Variants in EDIL3 observed in about 807,000 individuals in gnomAD.
EDIL3 encodes the protein EGF-like repeat and discoidin I-like domain-containing protein 3.
In EDIL3, 37 loss-of-function variants were observed where a neutral mutation model predicts 67.4. That is an observed-to-expected ratio of 0.55 (90% CI 0.42 to 0.72). EDIL3 has a LOEUF of 0.72. EDIL3 is among the 30% of genes least tolerant of loss of function. The pLI is 0.00. For missense variants in EDIL3, 527 were observed against 586.3 expected (o/e 0.90, Z 1.04); for synonymous variants, 195 against 196.3 (o/e 0.99, Z 0.05).
chr5:84,313,929 C>T (rs1198354484), intron 1 of EDIL3, among the ~76,000 whole-genome samples: 1 of 152,154 alleles, frequency 6.6e-6, no homozygotes, highest in Non-Finnish European at 1.5e-5. Context: ...GGTGTGGTGG[C>T]TCACACCTGT....
intron 9 of EDIL3, among the ~76,000 whole-genome samples, chr5:83,980,160 A>T (rs939954870): frequency 6.6e-6 from 1 of 151,412 alleles, no homozygotes; most frequent in African/African-American, 2.4e-5. Context: ...CATTTTACCT[A>T]TTTTCCTTTC....
intron 3 of EDIL3, among the ~76,000 whole-genome samples, chr5:84,203,562 T>C (rs373242627): frequency 1.3e-5 from 2 of 152,098 alleles, no homozygotes; most frequent in East Asian, 3.9e-4. Flanking sequence ...AACCTCTGAA[T>C]TGGATGAATA....
intron 1 of EDIL3, among the ~76,000 whole-genome samples, chr5:84,302,093 C>A (rs1389271196): frequency 6.6e-6 from 1 of 152,074 alleles, no homozygotes; most frequent in Non-Finnish European, 1.5e-5. Flanking sequence ...TTATACAAAT[C>A]TGTCTCAAAA....
At chr5:84,282,419 T>G (rs555153657) in intron 1 of EDIL3, among the ~76,000 whole-genome samples, 2 of 152,344 alleles carry the variant, frequency 1.3e-5, no homozygotes, top group African/African-American at 4.8e-5. Flanking sequence ...TTTTTGAAAT[T>G]TATCCGTTTT....
intron 1 of EDIL3, among the ~76,000 whole-genome samples, chr5:84,349,548 A>G (rs1747313281): frequency 6.6e-6 from 1 of 152,192 alleles, no homozygotes. Flanking sequence ...ATTTTGAAAA[A>G]TGAAGCAAGC....
intron 6 of EDIL3, among the ~76,000 whole-genome samples, chr5:84,068,835 A>G (rs1481428134): frequency 6.6e-6 from 1 of 152,202 alleles, no homozygotes; most frequent in East Asian, 1.9e-4. Context: ...AGCTGTCACC[A>G]TCATAGTCAT....
intron 5 of EDIL3, among the ~76,000 whole-genome samples, chr5:84,135,823 GT>G (rs1011139079): frequency 2.4e-4 from 36 of 149,156 alleles, no homozygotes; most frequent in Admixed American, 6.0e-4. Flanking sequence ...AGCTTAGAAA[GT>G]TTTTTTTTTC....
chr5:84,022,280 A>G (rs1745732163), intron 9 of EDIL3, among the ~76,000 whole-genome samples: 1 of 151,986 alleles, frequency 6.6e-6, no homozygotes, highest in Admixed American at 6.6e-5. Context: ...ATCAATCAAC[A>G]TGATACATCA....
At chr5:84,320,056 C>T (rs937480899) in intron 1 of EDIL3, among the ~76,000 whole-genome samples, 11 of 151,930 alleles carry the variant, frequency 7.2e-5, no homozygotes, top group Non-Finnish European at 1.6e-4. Context: ...ATGTAAATGA[C>T]GAGTTGATGG....
At chr5:84,252,163 A>C (rs1486009848) in intron 2 of EDIL3, among the ~76,000 whole-genome samples, 1 of 152,132 alleles carries the variant, frequency 6.6e-6, no homozygotes, top group Non-Finnish European at 1.5e-5. Context: ...ATTAATATTT[A>C]AAAGTATAGC....
At chr5:84,103,933 C>T (rs980772630) in intron 6 of EDIL3, among the ~76,000 whole-genome samples, 1 of 152,046 alleles carries the variant, frequency 6.6e-6, no homozygotes, top group African/African-American at 2.4e-5. Context: ...TTCACTGTAG[C>T]ACCATTCACA....
intron 5 of EDIL3, among the ~76,000 whole-genome samples, chr5:84,113,647 T>A (rs1026065872): frequency 6.6e-6 from 1 of 152,208 alleles, no homozygotes; most frequent in Admixed American, 6.5e-5. Context: ...AGCTGACAAG[T>A]AAGCAGTGCC....
chr5:84,125,802 G>T (rs348902), intron 5 of EDIL3, among the ~76,000 whole-genome samples: 106,082 of 151,772 alleles, frequency 0.7, 37,148 homozygotes, highest in Middle Eastern at 0.74. Flanking sequence ...GAAAACCAAA[G>T]AACTAAATTG....
At chr5:84,072,921 A>C (rs537123258) in intron 6 of EDIL3, among the ~76,000 whole-genome samples, 46 of 152,282 alleles carry the variant, frequency 3.0e-4, no homozygotes, top group African/African-American at 1.1e-3. Flanking sequence ...GCAACAGGAC[A>C]GTGTATTGCA....
chr5:84,302,628 GC>G (rs1392046259), intron 1 of EDIL3, among the ~76,000 whole-genome samples: 1 of 152,098 alleles, frequency 6.6e-6, no homozygotes, highest in Admixed American at 6.5e-5. Context: ...AACCCTTATA[GC>G]CTTACAAGGT....
At chr5:84,010,139 A>AT (rs1393243421) in intron 9 of EDIL3, among the ~76,000 whole-genome samples, 2 of 152,194 alleles carry the variant, frequency 1.3e-5, no homozygotes, top group Non-Finnish European at 2.9e-5. Flanking sequence ...TAGTACTTAC[A>AT]TTTCAGGCTT....
intron 3 of EDIL3, among the ~76,000 whole-genome samples, chr5:84,182,569 T>A (rs909131626): frequency 6.6e-6 from 1 of 152,170 alleles, no homozygotes; most frequent in Non-Finnish European, 1.5e-5. Context: ...GGGAAGCACT[T>A]AGAAGGTGGG....
At chr5:84,135,022 G>A (rs971671603) in intron 5 of EDIL3, among the ~76,000 whole-genome samples, 2 of 152,090 alleles carry the variant, frequency 1.3e-5, no homozygotes, top group African/African-American at 4.8e-5. Flanking sequence ...GACAGGGCAG[G>A]GGCCTCTCTC....
chr5:84,276,699 G>C (rs1745588730), intron 1 of EDIL3, among the ~76,000 whole-genome samples: 1 of 151,972 alleles, frequency 6.6e-6, no homozygotes, highest in Non-Finnish European at 1.5e-5. Context: ...CTCTGGAGTA[G>C]CTGGAATTAC....
Sources: allele counts gnomAD v4.1 joint callset (sites outside exome capture counted in the v4.1 genomes callset), GRCh38; gene constraint gnomAD v4.1.1; transcripts MANE v1.5; gene names NCBI Gene and HGNC (gene_info 2026-07-23, HGNC 2026-07-21).